ZFR2: variants seen among roughly 807,000 people sequenced by gnomAD.
The protein encoded by ZFR2 is zinc finger RNA binding protein 2, also known as zinc finger RNA-binding protein 2.
A neutral mutation model predicts 105.7 loss-of-function variants in ZFR2; 104 were observed. The observed-to-expected ratio is 0.98, with a 90% CI of 0.84 to 1.16. The LOEUF (loss-of-function observed/expected upper bound fraction) is 1.16. Ranked by LOEUF, ZFR2 falls within the 50% of genes most tolerant of loss-of-function variation. ZFR2 has a pLI of 0.00. For missense variants in ZFR2, 1,425 were observed against 1,355.5 expected, an observed-to-expected ratio of 1.05 and a Z score of -0.80; for synonymous variants, 634 against 597.7, an observed-to-expected ratio of 1.06 and a Z score of -0.89.
At position 3,839,333 on chromosome 19, in the gene ZFR2, G is replaced by C. The variant is rs58082053; in HGVS notation, c.54-4350C>G. On this transcript the variant is annotated intron_variant, in intron 1 of 18. Coordinates refer to ENST00000262961, the MANE Select transcript of ZFR2 (RefSeq NM_015174.2). ...AGATTACCCGAGGTCAGGAGTTCGA[G>C]ACCAGCCTGGCCAACATGGTGAAAC... is the stretch of plus-strand genomic sequence containing the variant. Among the ~76,000 whole-genome samples, 298 of 151,990 alleles carry C rather than the reference G, an allele frequency of 2.0e-3. 2 individuals are homozygous for C. Among genetic ancestry groups the C allele is most frequent in the East Asian group, 5.2e-3 (27 of 5,168 alleles).
At chr19:3,815,138 A>G (rs961189081) in intron 13 of ZFR2, among the ~76,000 whole-genome samples, 1 of 152,064 alleles carries the variant, frequency 6.6e-6, no homozygotes, top group African/African-American at 2.4e-5. Flanking sequence ...GGCCCAGGCT[A>G]GAGTGCAGTG....
Position 3,813,008 on chromosome 19 carries a change from C to T in ZFR2, c.2242+812G>A, listed in dbSNP as rs1041106040. Among the ~76,000 whole-genome samples the T allele has an allele frequency of 3.3e-5, 5 of 152,012 alleles. No homozygotes were observed. The highest frequency in any genetic ancestry group is 7.2e-5 in the African/African-American group (3 of 41,382). On this transcript the variant is annotated intron_variant, in intron 14 of 18. Transcript: ENST00000262961. This position sits in a 1 kb window ranked among gnomAD's most constrained non-coding sequence, Gnocchi z 4.4. ...GGCAGGAGAATCGCTTGAACCCAGG[C>T]GGCGGAAGTTGCAGTGAGCTGAGAT...
In ZFR2 at chr19:3,850,900, CAAAAAAAA is replaced by C. The variant is rs59933286; in HGVS notation, c.54-15925_54-15918del. Among the ~76,000 whole-genome samples the C allele has an allele frequency of 1.8e-3, 171 of 92,478 alleles. 1 individual carries two copies. Among genetic ancestry groups the C allele is most frequent in the African/African-American group, 3.7e-3 (75 of 20,160 alleles). 60.7% of individuals were successfully genotyped at this position (92,478 alleles called of 152,430 possible). A position where few individuals can be genotyped will look rare whatever the true frequency, so the allele number is the denominator to read the frequency against. On this transcript the variant is annotated intron_variant, in intron 1 of 18. Transcript: ENST00000262961. ...AACCTGGATGACAGGGCAGTCTTTT[CAAAAAAAA>C]AAAAAAAAAAAAAAAGAGACACCAG...
chr19:3,811,573 G>A (rs2037765925), intron 14 of ZFR2, among the ~76,000 whole-genome samples: 1 of 151,524 alleles, frequency 6.6e-6, no homozygotes, highest in Admixed American at 6.6e-5. Context: ...TCCTGCCTCA[G>A]CCTTCCAAGT....
Position 3,868,990 on chromosome 19 carries a change from C to T in ZFR2, c.28G>A (p.Ala10Thr). 2.2e-6 allele frequency: 3 copies of T among 1,377,854 alleles called. No individual in the cohort carries two copies. Among genetic ancestry groups the T allele is most frequent in the Middle Eastern group, 4.8e-4 (2 of 4,136 alleles). 85.4% of individuals were successfully genotyped at this position (1,377,854 alleles called of 1,614,324 possible). A position where few individuals can be genotyped will look rare whatever the true frequency, so the allele number is the denominator to read the frequency against. The change falls in exon 1 of 19, where the codon GCG becomes ACG. Residue 10 changes from alanine to threonine, a missense_variant. Transcript: ENST00000262961. ...CTGTACTGCGGGCCGCCGCCCTGCG[C>T]GAAGTCGAAATACTGACTCGTCGCC... MATSQYFDF[A>T]QGGGPQYSAQ...
In ZFR2 at chr19:3,806,133, G is replaced by T; in HGVS notation, c.2644-8C>A. Reference sequence around the variant, plus strand: ...CAGCATTCGCAGGGCGTGCTGCGGGGCACACACAGCCTGTCAGGACCCCCG... The same window carrying T: ...CAGCATTCGCAGGGCGTGCTGCGGGTCACACACAGCCTGTCAGGACCCCCG... On this transcript the variant is annotated splice_region_variant and splice_polypyrimidine_tract_variant and intron_variant, in intron 18 of 18. Transcript: ENST00000262961. 6 of 1,429,620 alleles carry T rather than the reference G, an allele frequency of 4.2e-6. No homozygotes were observed. The highest frequency in any genetic ancestry group is 4.6e-6 in the Non-Finnish European group (5 of 1,092,612). The allele number at this position is 1,429,620 out of a possible 1,614,324, so 88.6% of individuals were successfully genotyped here. A position where few individuals can be genotyped will look rare whatever the true frequency, so the allele number is the denominator to read the frequency against.
chr19:3,809,168 C>A lies in ZFR2; in HGVS notation c.2434-185G>T, dbSNP rs146418015. Among the ~76,000 whole-genome samples the A allele has an allele frequency of 8.6e-3, 1,303 of 152,314 alleles. 17 individuals are homozygous for A. Among genetic ancestry groups the A allele is most frequent in the African/African-American group, 0.03 (1,243 of 41,576 alleles). ...GCTCTGCCACCTCCTGGCACGGCCA[C>A]AGGCTGGTTTCTTTCTTTTCTGAGA... On this transcript the variant is annotated intron_variant, in intron 16 of 18. Transcript: ENST00000262961.
chr19:3,855,660 G>A (rs934665281), intron 1 of ZFR2: 10 of 389,026 alleles, frequency 2.6e-5, no homozygotes, highest in Non-Finnish European at 3.6e-5. Flanking sequence ...GGTGTGAGCA[G>A]GGGGTTGCAC....
intron 7 of ZFR2, 101 bp downstream of exon 7, chr19:3,825,129 G>A (rs2037934285): frequency 2.2e-6 from 3 of 1,341,676 alleles, no homozygotes; most frequent in East Asian, 3.0e-5. Context: ...CCCCCGGGAA[G>A]ACATGACGAA....
At position 3,812,105 on chromosome 19, in the gene ZFR2, A is replaced by G. The variant is rs182717182; in HGVS notation, c.2243-739T>C. Among the ~76,000 whole-genome samples the G allele has an allele frequency of 3.3e-3, 503 of 151,778 alleles. 5 individuals carry two copies. The highest frequency in any genetic ancestry group is 0.012 in the African/African-American group (479 of 41,370). On this transcript the variant is annotated intron_variant, in intron 14 of 18. Transcript: ENST00000262961. ...ATTACCGGCGCACGCCACCACGCCC[A>G]GCTAATTTTTATATTTTTAGTAGAG...
chr19:3,857,613 T>C (rs1334699498), intron 1 of ZFR2, among the ~76,000 whole-genome samples: 1 of 150,380 alleles, frequency 6.6e-6, no homozygotes, highest in Non-Finnish European at 1.5e-5. Flanking sequence ...TGAGAATCAC[T>C]TGAACCCAGG....
At chr19:3,819,279 C>A (rs754181054) in intron 11 of ZFR2, 44 bp from the exon 12 acceptor site, 3 of 1,441,440 alleles carry the variant, frequency 2.1e-6, no homozygotes, top group East Asian at 2.5e-5. Context: ...CTGTGGGGAC[C>A]CTTGGGGAGT....
At chr19:3,807,651 G>A (rs955722443) in intron 17 of ZFR2, among the ~76,000 whole-genome samples, 2 of 151,404 alleles carry the variant, frequency 1.3e-5, no homozygotes, top group Non-Finnish European at 3.0e-5. Context: ...GTGTGCATGT[G>A]TGCCCGTGTG....
chr19:3,831,500 G>C lies in ZFR2; in HGVS notation c.655C>G (p.Pro219Ala). Residue 219 changes from proline (P) to alanine (A), a missense_variant, in exon 5 of 19, where the codon CCT becomes GCT. Transcript: ENST00000262961. ...GGGGGAGGCGGGGGCTGCGCTGGAG[G>C]ATAGAAAGGGCTGGCAGCGGAGTAC... ...SVYSAASPFY[P>A]PAQPPPPPGP... 1.3e-6 allele frequency: 2 copies of C among 1,553,560 alleles called. No individual in the cohort carries two copies. Among genetic ancestry groups the C allele is most frequent in the South Asian group, 2.4e-5 (2 of 84,156 alleles).
At position 3,837,604 on chromosome 19, in the gene ZFR2, G is replaced by A. The variant is rs147442930; in HGVS notation, c.54-2621C>T. Among the ~76,000 whole-genome samples the A allele has an allele frequency of 1.0e-2, 1,334 of 133,948 alleles. 22 individuals carry two copies. Among genetic ancestry groups the A allele is most frequent in the African/African-American group, 0.036 (1,246 of 34,420 alleles). 87.9% of individuals were successfully genotyped at this position (133,948 alleles called of 152,430 possible). A position where few individuals can be genotyped will look rare whatever the true frequency, so the allele number is the denominator to read the frequency against. ...ACCGTGACCATGACACTTGATGAAT[G>A]CTGTGACTGTGGAACTTGATGAACA... On this transcript the variant is annotated intron_variant, in intron 1 of 18. Transcript: ENST00000262961.
chr19:3,852,161 G>A (rs368109710), intron 1 of ZFR2: 46 of 423,468 alleles, frequency 1.1e-4, no homozygotes, highest in East Asian at 3.1e-4. Context: ...TGGCCCAGGC[G>A]GGGCTCAGCT....
chr19:3,814,518 C>G (rs1436771102), intron 13 of ZFR2, among the ~76,000 whole-genome samples: 1 of 152,212 alleles, frequency 6.6e-6, no homozygotes, highest in Non-Finnish European at 1.5e-5. Context: ...TCTCCCCATC[C>G]TCCATCCCTT....
At chr19:3,859,015 C>G (rs1344383708) in intron 1 of ZFR2, among the ~76,000 whole-genome samples, 1 of 152,030 alleles carries the variant, frequency 6.6e-6, no homozygotes, top group Non-Finnish European at 1.5e-5. Flanking sequence ...AAAATATTGT[C>G]CTGGGTGTGT....
At chr19:3,809,505 T>G (rs1405142194) in intron 16 of ZFR2, among the ~76,000 whole-genome samples, 2 of 152,118 alleles carry the variant, frequency 1.3e-5, no homozygotes, top group East Asian at 3.9e-4. Flanking sequence ...CACAGCACTG[T>G]GTGGGTGCCT....
Sources: gnomAD v4.1 joint callset for allele counts (sites outside exome capture counted in the v4.1 genomes callset) on GRCh38, gnomAD v4.1.1 for gene constraint, Gnocchi (gnomAD v3.1) non-coding constraint, MANE v1.5 for transcripts, NCBI Gene and HGNC (gene_info 2026-07-23, HGNC 2026-07-21) for gene names.